TBC1D5: variants seen among roughly 807,000 people sequenced by gnomAD.
TBC1D5 encodes the protein TBC1 domain family, member 5.
A neutral mutation model predicts 100.3 loss-of-function variants in TBC1D5; 75 were observed. The ratio of observed to expected loss-of-function variants is 0.75; its 90% CI spans 0.62 to 0.91. The LOEUF (loss-of-function observed/expected upper bound fraction) is 0.91. TBC1D5 is among the 40% of genes least tolerant of loss of function. The pLI, the probability that TBC1D5 is intolerant of heterozygous loss-of-function variation, is 0.00. For synonymous variants in TBC1D5, 323 were observed against 325.6 expected, an observed-to-expected ratio of 0.99 and a Z score of 0.09; for missense variants, 910 against 942.4, an observed-to-expected ratio of 0.97 and a Z score of 0.45.
chr3:17,297,246 T>C (rs2082341896), intron 14 of TBC1D5, among the ~76,000 whole-genome samples: 1 of 152,236 alleles, frequency 6.6e-6, no homozygotes, highest in Non-Finnish European at 1.5e-5. Context: ...TAACTCCTTA[T>C]CGACTGAGGA....
intron 14 of TBC1D5, among the ~76,000 whole-genome samples, chr3:17,299,858 C>CAAAAAAAA (rs10590475): frequency 2.1e-5 from 1 of 48,590 alleles, no homozygotes; most frequent in Non-Finnish European, 3.6e-5. Flanking sequence ...GACTCCGTCT[C>CAAAAAAAA]AAAAAAAAAA....
chr3:17,441,189 A>G (rs1246870419), intron 3 of TBC1D5, among the ~76,000 whole-genome samples: 1 of 152,236 alleles, frequency 6.6e-6, no homozygotes, highest in Non-Finnish European at 1.5e-5. Flanking sequence ...CATTCATTCA[A>G]TGAACATCTA....
intron 1 of TBC1D5, among the ~76,000 whole-genome samples, chr3:17,704,108 G>C (rs562579919): frequency 7.1e-6 from 1 of 141,304 alleles, no homozygotes; most frequent in African/African-American, 2.6e-5. Context: ...TTGAGATTAG[G>C]GATTGGTGAT....
intron 13 of TBC1D5, among the ~76,000 whole-genome samples, chr3:17,328,455 C>A (rs2086451414): frequency 6.6e-6 from 1 of 152,012 alleles, no homozygotes; most frequent in African/African-American, 2.4e-5. Flanking sequence ...GATTGTCCAC[C>A]TTGAATCATC....
At chr3:17,436,788 T>C (rs1047723492) in intron 3 of TBC1D5, among the ~76,000 whole-genome samples, 1 of 152,136 alleles carries the variant, frequency 6.6e-6, no homozygotes, top group Non-Finnish European at 1.5e-5. Flanking sequence ...AAAACTAACA[T>C]GTATGATAGT....
chr3:17,348,838 A>T (rs748653391), intron 13 of TBC1D5, among the ~76,000 whole-genome samples: 6 of 152,202 alleles, frequency 3.9e-5, no homozygotes, highest in Non-Finnish European at 5.9e-5. Flanking sequence ...CTTTGAAATA[A>T]ATTTGAAATT....
exon 14 of TBC1D5, chr3:17,308,082 C>T: frequency 6.2e-7 from 1 of 1,609,860 alleles, no homozygotes; most frequent in East Asian, 2.2e-5. Flanking sequence ...TCCCAGACCA[C>T]CAGAAGGTCC....
At chr3:17,642,323 A>G (rs1357926743) in intron 1 of TBC1D5, among the ~76,000 whole-genome samples, 4 of 152,020 alleles carry the variant, frequency 2.6e-5, no homozygotes, top group Non-Finnish European at 5.9e-5. Flanking sequence ...TCTATATATA[A>G]CCATATATAT....
At chr3:17,396,325 T>C (rs1054713578) in intron 8 of TBC1D5, among the ~76,000 whole-genome samples, 1 of 152,138 alleles carries the variant, frequency 6.6e-6, no homozygotes, top group Admixed American at 6.6e-5. Context: ...GTATTTTTTT[T>C]TTCTCTTTAA....
intron 3 of TBC1D5, among the ~76,000 whole-genome samples, chr3:17,448,596 A>G (rs1367857118): frequency 1.3e-5 from 2 of 152,192 alleles, no homozygotes; most frequent in African/African-American, 2.4e-5. Context: ...AATCTTGTAC[A>G]TCTCTACCAG....
intron 2 of TBC1D5, chr3:17,519,013 C>A (rs930496769): frequency 3.3e-5 from 5 of 152,234 alleles, no homozygotes; most frequent in Admixed American, 1.3e-4. Flanking sequence ...GAGTTGAGAG[C>A]AGAGGGCTGT....
At chr3:17,737,068 G>C (rs1196370713) in intron 1 of TBC1D5, among the ~76,000 whole-genome samples, 1 of 151,944 alleles carries the variant, frequency 6.6e-6, no homozygotes, top group Non-Finnish European at 1.5e-5. Flanking sequence ...AACTCTAAAG[G>C]GGTTCATTCT....
At chr3:17,610,688 G>A (rs768752432) in intron 2 of TBC1D5, among the ~76,000 whole-genome samples, 6 of 152,158 alleles carry the variant, frequency 3.9e-5, no homozygotes, top group Non-Finnish European at 5.9e-5. Context: ...TATAAATCAT[G>A]ATGTTTCTTC....
intron 13 of TBC1D5, among the ~76,000 whole-genome samples, chr3:17,322,865 G>A (rs1403457668): frequency 6.6e-6 from 1 of 152,192 alleles, no homozygotes; most frequent in African/African-American, 2.4e-5. Context: ...GTTCTGAACA[G>A]TCAAACTGAA....
At chr3:17,457,813 G>A (rs2095122522) in intron 3 of TBC1D5, among the ~76,000 whole-genome samples, 1 of 151,928 alleles carries the variant, frequency 6.6e-6, no homozygotes, top group Non-Finnish European at 1.5e-5. Context: ...GCTTGGATAT[G>A]GCCACATGTT....
At chr3:17,388,434 A>G (rs533953761) in intron 8 of TBC1D5, among the ~76,000 whole-genome samples, 1 of 152,200 alleles carries the variant, frequency 6.6e-6, no homozygotes, top group African/African-American at 2.4e-5. Context: ...CTTCAGCACT[A>G]ATAATTTCTT....
chr3:17,228,351 G>C (rs911544891), intron 17 of TBC1D5, among the ~76,000 whole-genome samples: 2 of 152,114 alleles, frequency 1.3e-5, no homozygotes, highest in African/African-American at 4.8e-5. Context: ...TAATGTAAAG[G>C]GTTTAGTGTG....
chr3:17,395,047 G>GT (rs1462179567), intron 8 of TBC1D5, among the ~76,000 whole-genome samples: 2 of 152,090 alleles, frequency 1.3e-5, no homozygotes, highest in African/African-American at 4.8e-5. Context: ...GGAAGGTGGA[G>GT]TAAGAAATCA....
chr3:17,310,755 T>C (rs961028454), intron 13 of TBC1D5, among the ~76,000 whole-genome samples: 18 of 152,154 alleles, frequency 1.2e-4, no homozygotes, highest in African/African-American at 3.8e-4. Flanking sequence ...GTTTCTTTTA[T>C]ATAAAGACTG....
Sources: gnomAD v4.1 joint callset for allele counts (sites outside exome capture counted in the v4.1 genomes callset) on GRCh38, gnomAD v4.1.1 for gene constraint, MANE v1.5 for transcripts, NCBI Gene and HGNC (gene_info 2026-07-23, HGNC 2026-07-21) for gene names.